The following APBB2 variants were observed in gnomAD, a reference collection of about 807,000 sequenced individuals.
APBB2 encodes the protein amyloid beta precursor protein binding family B member 2.
A neutral mutation model predicts 82.5 loss-of-function variants in APBB2; 38 were observed. The ratio of observed to expected loss-of-function variants is 0.46; its 90% CI spans 0.36 to 0.60. The LOEUF is 0.60. Ranked by LOEUF, APBB2 falls within the 20% of genes least tolerant of loss-of-function variation. The probability of loss-of-function intolerance (pLI) is 0.00; values close to 1 mark genes in which losing one functional copy is unlikely to be tolerated. For missense variants in APBB2, 772 were observed against 972.3 expected, an observed-to-expected ratio of 0.79 and a Z score of 2.74; for synonymous variants, 341 against 368.2, an observed-to-expected ratio of 0.93 and a Z score of 0.85.
At chr4:40,838,269 T>G (rs1335110562) in intron 12 of APBB2, among the ~76,000 whole-genome samples, 1 of 150,632 alleles carries the variant, frequency 6.6e-6, no homozygotes, top group African/African-American at 2.4e-5. Flanking sequence ...TTCAAGTGAT[T>G]CTCATGCCTT....
At chr4:41,162,198 C>CTT (rs563526597) in intron 1 of APBB2, among the ~76,000 whole-genome samples, 2 of 135,790 alleles carry the variant, frequency 1.5e-5, no homozygotes, top group African/African-American at 2.7e-5. Flanking sequence ...ATTTCCCCGT[C>CTT]TTTTTTTTTT....
At chr4:40,999,401 C>T (rs1431406343) in intron 6 of APBB2, among the ~76,000 whole-genome samples, 2 of 152,184 alleles carry the variant, frequency 1.3e-5, no homozygotes, top group South Asian at 2.1e-4. Context: ...TGTGACTGCA[C>T]CACTGGACTC....
chr4:40,864,256 A>AAAAACAAAAC (rs367804062), intron 12 of APBB2, among the ~76,000 whole-genome samples: 32,837 of 149,894 alleles, frequency 0.22, 4,005 homozygotes, highest in Non-Finnish European at 0.27. Context: ...CCGTCTCAAT[A>AAAAACAAAAC]AAAACAAAAC....
intron 4 of APBB2, among the ~76,000 whole-genome samples, chr4:41,049,665 G>A (rs1333006825): frequency 6.6e-6 from 1 of 152,226 alleles, no homozygotes; most frequent in African/African-American, 2.4e-5. Flanking sequence ...GGGCCATGAT[G>A]ACGATGGCGG....
chr4:40,985,082 TA>T (rs1243928340), intron 6 of APBB2, among the ~76,000 whole-genome samples: 2 of 151,976 alleles, frequency 1.3e-5, no homozygotes, highest in African/African-American at 4.8e-5. Context: ...CACACCCAGC[TA>T]ATTTTTTTTT....
intron 13 of APBB2, among the ~76,000 whole-genome samples, 189 bp from the exon 14 acceptor site, chr4:40,827,408 G>A (rs980663238): frequency 6.6e-6 from 1 of 152,040 alleles, no homozygotes; most frequent in Non-Finnish European, 1.5e-5. Flanking sequence ...TTTTCTCTGG[G>A]GATGATAGGT....
At chr4:41,174,357 G>GA (rs1769179339) in intron 1 of APBB2, among the ~76,000 whole-genome samples, 1 of 151,924 alleles carries the variant, frequency 6.6e-6, no homozygotes, top group Admixed American at 6.6e-5. Context: ...CTGCTCCCCA[G>GA]AAAAAAAATG....
chr4:41,038,213 G>GATAA (rs5857768), intron 4 of APBB2, among the ~76,000 whole-genome samples: 45,148 of 149,862 alleles, frequency 0.3, 7,515 homozygotes, highest in Non-Finnish European at 0.37. Flanking sequence ...TAAGCAAACA[G>GATAA]ATAAATAAAT....
chr4:40,856,947 G>C, intron 12 of APBB2: 1 of 985,440 alleles, frequency 1.0e-6, no homozygotes, highest in Non-Finnish European at 1.2e-6. Flanking sequence ...GTCCCCGCGA[G>C]CGAGCTTGGG....
chr4:40,954,526 G>A (rs772389944), intron 6 of APBB2, among the ~76,000 whole-genome samples: 4 of 152,212 alleles, frequency 2.6e-5, no homozygotes, highest in Non-Finnish European at 5.9e-5. Flanking sequence ...TAGTTCTCAA[G>A]CATGAGAGTC....
intron 10 of APBB2, among the ~76,000 whole-genome samples, chr4:40,918,124 A>G (rs1186620447): frequency 6.6e-6 from 1 of 152,224 alleles, no homozygotes; most frequent in Non-Finnish European, 1.5e-5. Flanking sequence ...ATTTTCACTT[A>G]TTTACAATGT....
intron 3 of APBB2, among the ~76,000 whole-genome samples, chr4:41,069,406 C>A (rs998044409): frequency 6.6e-6 from 1 of 152,142 alleles, no homozygotes; most frequent in Non-Finnish European, 1.5e-5. Flanking sequence ...ATTAGAAACC[C>A]GATGCGATGG....
intron 4 of APBB2, among the ~76,000 whole-genome samples, chr4:41,052,646 A>G (rs1029635636): frequency 1.3e-5 from 2 of 152,202 alleles, no homozygotes; most frequent in African/African-American, 4.8e-5. Context: ...ACCTTAAAGC[A>G]GTAACCCTTC....
At chr4:40,866,039 G>A (rs1357132846) in intron 12 of APBB2, among the ~76,000 whole-genome samples, 6 of 152,152 alleles carry the variant, frequency 3.9e-5, no homozygotes, top group African/African-American at 9.7e-5. Flanking sequence ...CTCAGAAAGC[G>A]GGCTGGCAGT....
At chr4:41,125,904 A>G (rs1754233583) in intron 2 of APBB2, among the ~76,000 whole-genome samples, 1 of 152,176 alleles carries the variant, frequency 6.6e-6, no homozygotes, top group South Asian at 2.1e-4. Context: ...CCGTCCACAA[A>G]GCTGTCCTGC....
intron 1 of APBB2, among the ~76,000 whole-genome samples, chr4:41,206,179 T>C (rs1468391440): frequency 6.6e-6 from 1 of 152,072 alleles, no homozygotes; most frequent in East Asian, 1.9e-4. Context: ...TCCTGGGTGG[T>C]AGGCAGGAAT....
chr4:40,867,248 G>A (rs565814717), intron 12 of APBB2, among the ~76,000 whole-genome samples: 5 of 152,236 alleles, frequency 3.3e-5, no homozygotes, highest in Admixed American at 1.3e-4. Context: ...AAAGTCGACT[G>A]ACTCCTTCTC....
At chr4:40,888,974 A>C (rs1455173457) in intron 12 of APBB2, among the ~76,000 whole-genome samples, 1 of 152,262 alleles carries the variant, frequency 6.6e-6, no homozygotes, top group African/African-American at 2.4e-5. Flanking sequence ...ATGACGACCA[A>C]ATATCACCAG....
chr4:41,019,792 G>T (rs114241922), intron 5 of APBB2, among the ~76,000 whole-genome samples: 1 of 152,110 alleles, frequency 6.6e-6, no homozygotes, highest in Admixed American at 6.5e-5. Flanking sequence ...TTCCACTGCC[G>T]AAGCCATCAA....
Sources: allele counts gnomAD v4.1 joint callset (sites outside exome capture counted in the v4.1 genomes callset), GRCh38; gene constraint gnomAD v4.1.1; transcripts MANE v1.5; gene names NCBI Gene and HGNC (gene_info 2026-07-23, HGNC 2026-07-21).